SIRT3: variants seen among roughly 807,000 people sequenced by gnomAD.
SIRT3 encodes the protein sirtuin 3, also known as NAD-dependent protein deacetylase sirtuin-3, mitochondrial.
SIRT3 carries 26 observed loss-of-function variants against 33.5 expected under a neutral mutation model. The ratio of observed to expected loss-of-function variants is 0.78; its 90% CI spans 0.57 to 1.08. The LOEUF (loss-of-function observed/expected upper bound fraction) is 1.08. Among genes scored for constraint, SIRT3 ranks in the 50% least tolerant of loss-of-function variants. The pLI, the probability that SIRT3 is intolerant of heterozygous loss-of-function variation, is 0.00. For missense variants in SIRT3, 585 were observed against 530.1 expected (o/e 1.10, Z -1.02); for synonymous variants, 237 against 222.1 (o/e 1.07, Z -0.60).
chr11:235,117 C>A (rs865950601), intron 1 of SIRT3, among the ~76,000 whole-genome samples: 5 of 151,850 alleles, frequency 3.3e-5, no homozygotes, highest in Non-Finnish European at 7.4e-5. Flanking sequence ...ACCTCGTTAT[C>A]CACCCGTCTC....
chr11:218,750 A>G (rs1429424467), intron 6 of SIRT3, 82 bp downstream of exon 6: 4 of 1,602,592 alleles, frequency 2.5e-6, no homozygotes, highest in Non-Finnish European at 3.4e-6. Flanking sequence ...GTGTTAACCA[A>G]CGGGGCTCCA....
intron 3 of SIRT3, among the ~76,000 whole-genome samples, chr11:231,174 C>A (rs1211605177): frequency 6.6e-6 from 1 of 151,942 alleles, no homozygotes; most frequent in Non-Finnish European, 1.5e-5. Flanking sequence ...TGCAGTGGCT[C>A]ATGCCTGTAA....
intron 6 of SIRT3, 31 bp from the exon 7 acceptor site, chr11:216,749 A>C: frequency 6.2e-7 from 1 of 1,613,314 alleles, no homozygotes; most frequent in Non-Finnish European, 8.5e-7. Flanking sequence ...GGTATCAGCT[A>C]TCTGTTTACA....
At chr11:219,295 A>C (rs1856101249) in intron 5 of SIRT3, among the ~76,000 whole-genome samples, 1 of 149,630 alleles carries the variant, frequency 6.7e-6, no homozygotes, top group Non-Finnish European at 1.5e-5. Flanking sequence ...GCTTTTCCCC[A>C]CCTCCGTTCC....
At position 233,525 on chromosome 11, in the gene SIRT3, A is replaced by T; in HGVS notation, c.291T>A (p.Gly97=). 6.2e-7 allele frequency: 1 copy of T among 1,613,786 alleles called. No individual in the cohort carries two copies. The highest frequency in any genetic ancestry group is 8.5e-7 in the Non-Finnish European group (1 of 1,179,856). ...CAGAAAAAGATATGGACCTTCTTCC[A>T]CCTTTAATACTGACAGAAAAAAACA... is the stretch of plus-strand genomic sequence containing the variant. The part of the protein sequence containing the change: ...APSFFFSSIK[G]GRRSISFSVG... The change falls in exon 2 of 7, where the codon GGT becomes GGA. Residue 97 remains glycine, a synonymous_variant. Transcript: ENST00000382743.
At chr11:229,235 G>A (rs902831242) in intron 4 of SIRT3, among the ~76,000 whole-genome samples, 10 of 152,168 alleles carry the variant, frequency 6.6e-5, no homozygotes, top group Admixed American at 4.6e-4. Flanking sequence ...GGCGGATCAC[G>A]AGGTCAAGAG....
rs1859037290 is a variant in SIRT3 at position 236,103 on chromosome 11, G to A, written c.226C>T (p.Pro76Ser). ...CTCGGCTGCCTCCGGAATGCCCTGG[G>A]CACCTCGGGTCTGGGAGGCCTCTGC... ...PLQRPPRPEV[P>S]RAFRRQPRAA... The change falls in exon 1 of 7, where the codon CCC becomes TCC. Residue 76 changes from proline (P) to serine (S), a missense_variant. Physicochemically the swap from Pro to Ser is moderately conservative, Grantham distance 74. Coordinates refer to ENST00000382743, the MANE Select transcript of SIRT3 (RefSeq NM_012239.6). The A allele has an allele frequency of 1.3e-6, 2 of 1,579,086 alleles. No individual in the cohort carries two copies. Among genetic ancestry groups the A allele is most frequent in the African/African-American group, 2.7e-5 (2 of 73,566 alleles).
chr11:235,969 G>A, intron 1 of SIRT3, 79 bp downstream of exon 1: 2 of 1,383,952 alleles, frequency 1.4e-6, no homozygotes, highest in Non-Finnish European at 1.9e-6. Context: ...TGCCGCAAAG[G>A]AAACACGGCA....
chr11:230,488 T>C lies in SIRT3; in HGVS notation c.771A>G (p.Thr257=), dbSNP rs200067908. ...AHGTFASATC[T]VCQRPFPGED... is the part of the protein sequence containing the mutation. ...CCCCTGGGAAGGGTCTTTGGCAGACTGTGCAGGTGGCAGAGGCAAAGGTTC... is the reference window on the plus strand; with the variant it reads ...CCCCTGGGAAGGGTCTTTGGCAGACCGTGCAGGTGGCAGAGGCAAAGGTTC... The change falls in exon 4 of 7, where the codon ACA becomes ACG. Residue 257 remains threonine, a synonymous_variant. Transcript: ENST00000382743. 5.9e-6 allele frequency: 9 copies of C among 1,532,668 alleles called. No homozygotes were observed. The highest frequency in any genetic ancestry group is 7.0e-6 in the Non-Finnish European group (8 of 1,138,966). 94.9% of individuals were successfully genotyped at this position (1,532,668 alleles called of 1,614,324 possible).
upstream of SIRT3, chr11:236,356 GA>G (rs1859128373): frequency 3.4e-6 from 4 of 1,179,824 alleles, no homozygotes; most frequent in Non-Finnish European, 3.1e-6. Flanking sequence ...GAGTCCTCCG[GA>G]CTCGCCCCGC....
intron 1 of SIRT3, among the ~76,000 whole-genome samples, chr11:235,069 G>C (rs1858769235): frequency 6.6e-6 from 1 of 151,650 alleles, no homozygotes; most frequent in South Asian, 2.1e-4. Context: ...GTAGAAATGG[G>C]GTTTCACCAT....
At chr11:219,708 T>A (rs77746877) in intron 5 of SIRT3, among the ~76,000 whole-genome samples, 1 of 144,542 alleles carries the variant, frequency 6.9e-6, no homozygotes, top group Non-Finnish European at 1.5e-5. Flanking sequence ...CTGAAAAAAA[T>A]TCAAATGGAT....
Position 236,128 on chromosome 11 carries a change from C to CA in SIRT3, c.200dup (p.Leu67PhefsTer30). The CA allele has an allele frequency of 6.3e-7, 1 of 1,578,074 alleles. No individual in the cohort carries two copies. The stretch of plus-strand genomic sequence containing the variant: ...GCACCTCGGGTCTGGGAGGCCTCTG[C>CA]AAGGGGCGCGCCGGGTCCAAGGGCT... On this transcript the variant is annotated frameshift_variant, in exon 1 of 7. Coordinates refer to ENST00000382743, the MANE Select transcript of SIRT3 (RefSeq NM_012239.6). LOFTEE classifies it high-confidence loss of function.
At chr11:217,410 T>C (rs1855808071) in intron 6 of SIRT3, among the ~76,000 whole-genome samples, 1 of 152,204 alleles carries the variant, frequency 6.6e-6, no homozygotes, top group South Asian at 2.1e-4. Context: ...AATCGTGCCA[T>C]TGCACTCCAG....
upstream of SIRT3, chr11:236,777 G>A: frequency 1.9e-6 from 1 of 527,032 alleles, no homozygotes; most frequent in East Asian, 3.4e-5. Context: ...AAGCTAGTCC[G>A]TAGCGGGTTC....
At chr11:225,516 G>C (rs1857056715) in intron 4 of SIRT3, among the ~76,000 whole-genome samples, 1 of 151,864 alleles carries the variant, frequency 6.6e-6, no homozygotes, top group South Asian at 2.1e-4. Context: ...TAACCAAATA[G>C]AACTTCTAGA....
intron 4 of SIRT3, among the ~76,000 whole-genome samples, chr11:225,266 G>C (rs1325166757): frequency 1.3e-5 from 2 of 152,080 alleles, no homozygotes; most frequent in African/African-American, 4.8e-5. Context: ...CAAAAAATTA[G>C]CCAGGCGTGG....
rs147582800 is a variant in SIRT3, at chr11:219,011, C to T, written c.1000G>A (p.Val334Met). 2.2e-5 allele frequency: 35 copies of T among 1,613,760 alleles called. No individual in the cohort carries two copies. The highest frequency in any genetic ancestry group is 1.3e-4 in the African/African-American group (10 of 74,900). ...AGCAGTCGGGGAACTGAGCTCCGCA[C>T]GGCCTCGGTCAAGCTGGCAAAAGGC... Reference protein sequence around the residue: ...VEPFASLTEAVRSSVPRLLIN... With the variant: ...VEPFASLTEAMRSSVPRLLIN... Residue 334 changes from valine to methionine, a missense_variant, in exon 6 of 7, where the codon GTG becomes ATG. Coordinates refer to ENST00000382743, the MANE Select transcript of SIRT3 (RefSeq NM_012239.6).
In SIRT3 at chr11:236,152, C is replaced by T. The variant is rs1286395731; in HGVS notation, c.177G>A (p.Glu59=). The T allele has an allele frequency of 6.4e-7, 1 of 1,570,122 alleles. No individual in the cohort carries two copies. Among genetic ancestry groups the T allele is most frequent in the Non-Finnish European group, 8.6e-7 (1 of 1,159,436 alleles). ...GCAAGGGGCGCGCCGGGTCCAAGGG[C>T]TCACCGCGGGCCCCATGGCTGCCTC... The part of the protein sequence containing the change: ...GLRGSHGARG[E]PLDPARPLQR... The change falls in exon 1 of 7, where the codon GAG becomes GAA. Residue 59 remains glutamate (E), a synonymous_variant. Coordinates refer to ENST00000382743, the MANE Select transcript of SIRT3 (RefSeq NM_012239.6).
Sources: gnomAD v4.1 joint callset for allele counts (sites outside exome capture counted in the v4.1 genomes callset) on GRCh38, gnomAD v4.1.1 for gene constraint, MANE v1.5 for transcripts, NCBI Gene and HGNC (gene_info 2026-07-23, HGNC 2026-07-21) for gene names.